Variants in ADA2 observed in about 807,000 individuals in gnomAD.
The protein encoded by ADA2 is adenosine deaminase CECR1.
Under a neutral mutation model 44.2 loss-of-function variants are expected in ADA2, and 29 were observed. The observed-to-expected ratio is 0.66, with a 90% CI of 0.49 to 0.89. The LOEUF is 0.89. Among genes scored for constraint, ADA2 ranks in the 40% least tolerant of loss-of-function variants. The pLI is 0.00. For missense variants in ADA2, 637 were observed against 644.8 expected (o/e 0.99, Z 0.13); for synonymous variants, 215 against 234.9 (o/e 0.92, Z 0.77).
At chr22:17,215,800 G>A (rs376036785) in intron 1 of ADA2, among the ~76,000 whole-genome samples, 105 of 152,032 alleles carry the variant, frequency 6.9e-4, no homozygotes, top group African/African-American at 2.2e-3. Context: ...ATGAAGGGTT[G>A]GGGTAGACAT....
intron 3 of ADA2, among the ~76,000 whole-genome samples, chr22:17,206,824 T>G (rs963289452): frequency 1.3e-5 from 2 of 152,112 alleles, no homozygotes; most frequent in African/African-American, 2.4e-5. Flanking sequence ...ACCTGGCTAA[T>G]TTTTTGTATT....
At chr22:17,211,711 C>T (rs541884611) in intron 1 of ADA2, among the ~76,000 whole-genome samples, 3 of 152,144 alleles carry the variant, frequency 2.0e-5, no homozygotes, top group Non-Finnish European at 2.9e-5. Flanking sequence ...GGACGGATCA[C>T]GAGGTCAAGA....
At chr22:17,201,797 A>T (rs1184172966) in intron 4 of ADA2, among the ~76,000 whole-genome samples, 1 of 152,136 alleles carries the variant, frequency 6.6e-6, no homozygotes, top group Admixed American at 6.6e-5. Context: ...GCCTGGTGTC[A>T]GTCCATCTCA....
At chr22:17,213,633 G>A in intron 1 of ADA2, 1 of 279,066 alleles carries the variant, frequency 3.6e-6, no homozygotes, top group South Asian at 3.4e-5. Context: ...GGAATCAATG[G>A]GAATGAACAA....
At chr22:17,217,248 A>T (rs1364992670) in intron 1 of ADA2, among the ~76,000 whole-genome samples, 1 of 152,202 alleles carries the variant, frequency 6.6e-6, no homozygotes, top group Non-Finnish European at 1.5e-5. Context: ...AAGAAAAAAA[A>T]AACAGGTGAA....
intron 4 of ADA2, among the ~76,000 whole-genome samples, chr22:17,194,031 A>AG (rs1171689400): frequency 6.6e-5 from 10 of 151,566 alleles, no homozygotes; most frequent in Non-Finnish European, 1.0e-4. Flanking sequence ...AAAAAAAAAA[A>AG]AAAAGAAACA....
In ADA2 at chr22:17,182,733, G is replaced by T. The variant is rs1489114116; in HGVS notation, c.1110C>A (p.Asn370Lys). 3.9e-5 allele frequency: 63 copies of T among 1,613,618 alleles called. No homozygotes were observed. The highest frequency in any genetic ancestry group is 5.2e-5 in the Non-Finnish European group (61 of 1,179,974). ...TDWQGTSIDR[N>K]ILDALMLNTT... Reference sequence around the variant, plus strand: ...TGTTCAGCATCAGAGCATCCAGAATGTTCCTGTCTATGGAAGTACCCTGCC... The same window carrying T: ...TGTTCAGCATCAGAGCATCCAGAATTTTCCTGTCTATGGAAGTACCCTGCC... Residue 370 changes from asparagine to lysine, a missense_variant, in exon 8 of 10, where the codon AAC (asparagine) becomes AAA (lysine). Coordinates refer to ENST00000399837, the MANE Select transcript of ADA2 (RefSeq NM_001282225.2).
chr22:17,209,889 ATTTTTTT>A (rs532707544), intron 1 of ADA2, 166 bp from the exon 2 acceptor site: 6 of 402,176 alleles, frequency 1.5e-5, no homozygotes, highest in African/African-American at 1.1e-4. Flanking sequence ...GGGTTTCCCA[ATTTTTTT>A]TTTTTTTTTT....
At chr22:17,203,909 G>A in intron 3 of ADA2, 136 bp from the exon 4 acceptor site, 1 of 649,228 alleles carries the variant, frequency 1.5e-6, no homozygotes, top group Non-Finnish European at 2.8e-6. Flanking sequence ...AGATAAGGAA[G>A]GGGCAAAGGG....
intron 2 of ADA2, among the ~76,000 whole-genome samples, chr22:17,208,845 G>GA (rs1555887292): frequency 7.4e-6 from 1 of 134,462 alleles, no homozygotes; most frequent in Non-Finnish European, 1.6e-5. Context: ...AACATTTTTT[G>GA]GGGAACAGGG....
At chr22:17,210,137 G>A (rs1172745251) in intron 1 of ADA2, among the ~76,000 whole-genome samples, 8 of 151,690 alleles carry the variant, frequency 5.3e-5, no homozygotes, top group African/African-American at 1.7e-4. Context: ...TGATCTGCCC[G>A]CCTGGGCCTC....
Position 17,196,323 on chromosome 22 carries a change from CAAAAAAAA to C in ADA2, c.754-4521_754-4514del, listed in dbSNP as rs34561761. Among the ~76,000 whole-genome samples, 336 of 86,852 alleles carry C rather than the reference CAAAAAAAA, an allele frequency of 3.9e-3. 4 individuals are homozygous for C. Among genetic ancestry groups the C allele is most frequent in the Middle Eastern group, 0.035 (5 of 142 alleles). The allele number at this position is 86,852 out of a possible 152,430, so 57.0% of individuals were successfully genotyped here. On this transcript the variant is annotated intron_variant, in intron 4 of 9. Coordinates refer to ENST00000399837, the MANE Select transcript of ADA2 (RefSeq NM_001282225.2). ...AGGCAACAAAAGTGAAACTCCATCC[CAAAAAAAA>C]AAAAAAAAAGGAAAATTTCTTAATT...
At chr22:17,209,889 A>ATTT (rs532707544) in intron 1 of ADA2, 166 bp from the exon 2 acceptor site, 851 of 401,054 alleles carry the variant, frequency 2.1e-3, no homozygotes, top group East Asian at 2.8e-3. Context: ...GGGTTTCCCA[A>ATTT]TTTTTTTTTT....
At chr22:17,198,172 G>A (rs923817281) in intron 4 of ADA2, among the ~76,000 whole-genome samples, 9 of 152,164 alleles carry the variant, frequency 5.9e-5, no homozygotes, top group African/African-American at 1.9e-4. Flanking sequence ...GCCCCCTCCT[G>A]TAGAAAGGTG....
chr22:17,218,395 T>G (rs1360727501), intron 1 of ADA2, among the ~76,000 whole-genome samples: 1 of 152,126 alleles, frequency 6.6e-6, no homozygotes, highest in Non-Finnish European at 1.5e-5. Flanking sequence ...ACCCCCAAAA[T>G]CAGAGTGCTG....
Position 17,181,930 on chromosome 22 carries a change from A to G in ADA2, c.1332T>C (p.Ala444=). ...HPMVISSDDP[A]MFGAKGLSYD... The stretch of plus-strand genomic sequence containing the variant: ...AGGACAAGCCTTTGGCACCAAACAT[A>G]GCTGGGTCATCAGAGCTGATCACCA... Residue 444 remains alanine, a synonymous_variant, in exon 9 of 10, where the codon GCT becomes GCC. Coordinates refer to ENST00000399837, the MANE Select transcript of ADA2 (RefSeq NM_001282225.2). 5 of 1,614,176 alleles carry G rather than the reference A, an allele frequency of 3.1e-6. No individual in the cohort carries two copies. The highest frequency in any genetic ancestry group is 4.2e-6 in the Non-Finnish European group (5 of 1,180,006).
chr22:17,197,873 T>C (rs1397993063), intron 4 of ADA2, among the ~76,000 whole-genome samples: 3 of 152,096 alleles, frequency 2.0e-5, no homozygotes, highest in Non-Finnish European at 4.4e-5. Context: ...ACCCCGTCTC[T>C]ACTAAAAATA....
chr22:17,216,440 T>C (rs1601470465), intron 1 of ADA2, among the ~76,000 whole-genome samples: 1 of 150,960 alleles, frequency 6.6e-6, no homozygotes, highest in Admixed American at 6.6e-5. Flanking sequence ...TAGACTAGGG[T>C]GACTATACTT....
At chr22:17,211,851 C>A (rs2123722158) in intron 1 of ADA2, among the ~76,000 whole-genome samples, 1 of 152,014 alleles carries the variant, frequency 6.6e-6, no homozygotes, top group South Asian at 2.1e-4. Flanking sequence ...TTGCTTGAAT[C>A]CGGGAGGCGG....
Sources: allele counts gnomAD v4.1 joint callset (sites outside exome capture counted in the v4.1 genomes callset), GRCh38; gene constraint gnomAD v4.1.1; transcripts MANE v1.5; gene names NCBI Gene and HGNC (gene_info 2026-07-23, HGNC 2026-07-21).